The following CA10 variants were observed in gnomAD, a reference collection of about 807,000 sequenced individuals.
CA10 encodes the protein carbonic anhydrase 10 (inactive), also known as carbonic anhydrase-related protein 10.
CA10 carries 14 observed loss-of-function variants against 44.2 expected under a neutral mutation model. The observed-to-expected ratio is 0.32, with a 90% CI of 0.21 to 0.50. CA10 has a LOEUF of 0.50. Among genes scored for constraint, CA10 ranks in the 20% least tolerant of loss-of-function variants. The pLI is 0.99. For missense variants in CA10, 350 were observed against 409.7 expected (o/e 0.85, Z 1.26); for synonymous variants, 159 against 141.6 (o/e 1.12, Z -0.87).
intron 3 of CA10, among the ~76,000 whole-genome samples, chr17:51,920,948 C>T (rs1982206902): frequency 6.6e-6 from 1 of 152,266 alleles, no homozygotes; most frequent in South Asian, 2.1e-4. Context: ...GCTCTGAATC[C>T]TTCATTCCAG....
At chr17:51,868,707 C>T (rs1979664044) in intron 3 of CA10, among the ~76,000 whole-genome samples, 1 of 152,098 alleles carries the variant, frequency 6.6e-6, no homozygotes, top group Admixed American at 6.6e-5. Context: ...ACATCTCCTG[C>T]TTGGCCTTAT....
intron 3 of CA10, among the ~76,000 whole-genome samples, chr17:51,880,751 TAAAA>T (rs912249934): frequency 6.7e-6 from 1 of 149,476 alleles, no homozygotes; most frequent in East Asian, 2.0e-4. Flanking sequence ...GTTTCAGTAA[TAAAA>T]AAAAATAAGT....
At chr17:51,973,914 G>A (rs1984367735) in intron 2 of CA10, among the ~76,000 whole-genome samples, 1 of 152,216 alleles carries the variant, frequency 6.6e-6, no homozygotes. Flanking sequence ...TAAGACTGAT[G>A]CTGTAATTAG....
intron 3 of CA10, among the ~76,000 whole-genome samples, chr17:51,923,633 A>T (rs1394660617): frequency 1.3e-5 from 2 of 152,210 alleles, no homozygotes; most frequent in African/African-American, 4.8e-5. Context: ...GCAATGATTA[A>T]ATTTTGCAAT....
chr17:51,845,940 C>T (rs1435977495), intron 3 of CA10, among the ~76,000 whole-genome samples: 1 of 152,198 alleles, frequency 6.6e-6, no homozygotes, highest in African/African-American at 2.4e-5. Context: ...TGGCATTCTA[C>T]CCAGTAAGCT....
chr17:51,959,310 G>C (rs1983793636), intron 2 of CA10, among the ~76,000 whole-genome samples: 1 of 149,948 alleles, frequency 6.7e-6, no homozygotes, highest in Admixed American at 6.7e-5. Context: ...GTGTGTGTGT[G>C]TGTGTGTGTG....
chr17:52,016,425 G>A (rs1216822585), intron 2 of CA10, among the ~76,000 whole-genome samples: 1 of 152,096 alleles, frequency 6.6e-6, no homozygotes, highest in East Asian at 1.9e-4. Flanking sequence ...TCATTGCATT[G>A]ATTGCAAAAA....
chr17:51,717,442 C>T (rs1281101524), intron 4 of CA10, among the ~76,000 whole-genome samples: 13 of 150,088 alleles, frequency 8.7e-5, no homozygotes, highest in African/African-American at 2.0e-4. Context: ...TACTTGTGCA[C>T]GCATATTTCT....
intron 1 of CA10, among the ~76,000 whole-genome samples, chr17:52,091,480 GT>G (rs1988264849): frequency 6.6e-6 from 1 of 152,082 alleles, no homozygotes; most frequent in Non-Finnish European, 1.5e-5. Context: ...GACATTGACC[GT>G]TTCTGAGCCT....
At chr17:52,093,913 T>C (rs1230074335) in intron 1 of CA10, among the ~76,000 whole-genome samples, 3 of 152,050 alleles carry the variant, frequency 2.0e-5, no homozygotes, top group Non-Finnish European at 4.4e-5. Context: ...GTCATTCATC[T>C]GGTAAGTTGG....
At chr17:51,817,480 G>A (rs1567849296) in intron 3 of CA10, among the ~76,000 whole-genome samples, 1 of 152,186 alleles carries the variant, frequency 6.6e-6, no homozygotes, top group Non-Finnish European at 1.5e-5. Flanking sequence ...CAGATAAAAA[G>A]CCTGGGAGGA....
chr17:52,033,367 C>T (rs1307549541), intron 2 of CA10, among the ~76,000 whole-genome samples: 4 of 152,158 alleles, frequency 2.6e-5, no homozygotes, highest in South Asian at 2.1e-4. Flanking sequence ...GAGAATATCA[C>T]CGAAGTGTCT....
At chr17:51,783,159 T>G (rs976198237) in intron 3 of CA10, among the ~76,000 whole-genome samples, 4 of 152,150 alleles carry the variant, frequency 2.6e-5, no homozygotes, top group Admixed American at 6.5e-5. Flanking sequence ...GATTTTTTTT[T>G]CTTTCCTTCC....
At chr17:51,708,549 T>G (rs371871355) in intron 4 of CA10, among the ~76,000 whole-genome samples, 12 of 152,196 alleles carry the variant, frequency 7.9e-5, no homozygotes, top group African/African-American at 2.4e-4. Flanking sequence ...CAACTTGGAC[T>G]CTGTGATGGT....
chr17:52,021,926 C>T (rs147088213), intron 2 of CA10, among the ~76,000 whole-genome samples: 2 of 151,956 alleles, frequency 1.3e-5, no homozygotes, highest in African/African-American at 2.4e-5. Context: ...GACTACCAAC[C>T]AAAAAAGGCC....
In CA10 at chr17:51,815,216, T is replaced by G. The variant is rs145427506; in HGVS notation, c.280-67398A>C. On this transcript the variant is annotated intron_variant, in intron 3 of 8. Transcript: ENST00000451037. The stretch of plus-strand genomic sequence containing the variant: ...AGCAGAGGCCAGGGATGATGATGAA[T>G]GCCCTATGGTACAAGGGAAAGCCTT... Among the ~76,000 whole-genome samples, 99 of 152,202 alleles carry G rather than the reference T, an allele frequency of 6.5e-4. 3 individuals are homozygous for G. In the East Asian group the frequency reaches 0.015, roughly 23 times the overall value.
chr17:51,950,035 C>A (rs905391177), intron 2 of CA10, among the ~76,000 whole-genome samples: 1 of 152,060 alleles, frequency 6.6e-6, no homozygotes, highest in Non-Finnish European at 1.5e-5. Flanking sequence ...GTATTGGGTA[C>A]CCTCCAAGAC....
intron 3 of CA10, among the ~76,000 whole-genome samples, chr17:51,789,329 CTAA>C (rs1275531765): frequency 6.6e-6 from 1 of 152,164 alleles, no homozygotes; most frequent in African/African-American, 2.4e-5. Flanking sequence ...TTACAGTTTT[CTAA>C]TAAGAGACAT....
intron 4 of CA10, among the ~76,000 whole-genome samples, chr17:51,691,090 T>C (rs1430328654): frequency 1.3e-5 from 2 of 152,218 alleles, no homozygotes; most frequent in African/African-American, 2.4e-5. Context: ...TGGGCATATA[T>C]ACAGTACAGG....
Sources: gnomAD v4.1 joint callset for allele counts (sites outside exome capture counted in the v4.1 genomes callset) on GRCh38, gnomAD v4.1.1 for gene constraint, MANE v1.5 for transcripts, NCBI Gene and HGNC (gene_info 2026-07-23, HGNC 2026-07-21) for gene names.